HTRA1: variants seen among roughly 807,000 people sequenced by gnomAD.
HTRA1 encodes the protein HtrA serine peptidase 1.
In HTRA1, 26 loss-of-function variants were observed where a neutral mutation model predicts 49.7. The ratio of observed to expected loss-of-function variants is 0.52; its 90% CI spans 0.38 to 0.73. The LOEUF is 0.73. Ranked by LOEUF, HTRA1 falls within the 30% of genes least tolerant of loss-of-function variation. The pLI, the probability that HTRA1 is intolerant of heterozygous loss-of-function variation, is 0.00. For missense variants in HTRA1, 561 were observed against 667.2 expected (o/e 0.84, Z 1.75); for synonymous variants, 291 against 286.9 (o/e 1.01, Z -0.14).
At position 122,494,996 on chromosome 10, in the gene HTRA1, G is replaced by C. The variant is rs1292497323; in HGVS notation, c.777+5370G>C. Among the ~76,000 whole-genome samples, 2 of 152,074 alleles carry C rather than the reference G, an allele frequency of 1.3e-5. No homozygotes were observed. The highest frequency in any genetic ancestry group is 2.9e-5 in the Non-Finnish European group (2 of 68,008). ...CCCCCCGGGACATGGCAGTGGCGGG[G>C]AGTGGACTGGGGTGGTGCTTGCCAT... On this transcript the variant is annotated intron_variant, in intron 3 of 8. Transcript: ENST00000368984. This position sits in a 1 kb window ranked among gnomAD's most constrained non-coding sequence, Gnocchi z 4.0.
chr10:122,469,858 T>G, intron 1 of HTRA1, among the ~76,000 whole-genome samples: 1 of 152,248 alleles, frequency 6.6e-6, no homozygotes, highest in East Asian at 1.9e-4. Flanking sequence ...TTTTGTTTAT[T>G]CATCAAATAT....
At position 122,466,293 on chromosome 10, in the gene HTRA1, G is replaced by C. The variant is rs2097483739; in HGVS notation, c.472+4169G>C. Among the ~76,000 whole-genome samples, 3 of 152,146 alleles carry C rather than the reference G, an allele frequency of 2.0e-5. No individual in the cohort carries two copies. In the South Asian group the frequency reaches 6.2e-4, roughly 32 times the overall value. ...CCATTCTCCTGCCTTAGCCTCCAGAGTAGCTGGGACTACAGGCACCCGCCA... is the reference window on the plus strand; with the variant it reads ...CCATTCTCCTGCCTTAGCCTCCAGACTAGCTGGGACTACAGGCACCCGCCA... On this transcript the variant is annotated intron_variant, in intron 1 of 8. Transcript: ENST00000368984.
chr10:122,470,621 A>G (rs1382092187), intron 1 of HTRA1, among the ~76,000 whole-genome samples: 5 of 151,866 alleles, frequency 3.3e-5, no homozygotes. Context: ...AGTTTTATCA[A>G]CTCCCAATGC....
chr10:122,463,343 C>G (rs1712880002), intron 1 of HTRA1, among the ~76,000 whole-genome samples: 1 of 151,322 alleles, frequency 6.6e-6, no homozygotes, highest in South Asian at 2.1e-4. Flanking sequence ...GAAACTCAGC[C>G]TAGTCAGGCA....
intron 1 of HTRA1, among the ~76,000 whole-genome samples, chr10:122,469,691 C>T (rs1202178999): frequency 1.7e-4 from 26 of 152,164 alleles, no homozygotes; most frequent in Non-Finnish European, 4.4e-5. Context: ...ATTATCCTTG[C>T]TTCCTAGCTG....
At chr10:122,470,176 C>T (rs184848717) in intron 1 of HTRA1, among the ~76,000 whole-genome samples, 5 of 152,302 alleles carry the variant, frequency 3.3e-5, no homozygotes, top group Admixed American at 1.3e-4. Context: ...GAAGTGTTGA[C>T]GTCTCCTGAG....
chr10:122,503,049 G>C (rs2097501602), intron 3 of HTRA1, among the ~76,000 whole-genome samples: 1 of 152,260 alleles, frequency 6.6e-6, no homozygotes, highest in Admixed American at 6.5e-5. Flanking sequence ...TGGCCAAGGA[G>C]AGGAGCTGCC....
rs1388018559 is a variant in HTRA1 at position 122,466,174 on chromosome 10, T to G, written c.472+4050T>G. 2.0e-5 allele frequency among the ~76,000 whole-genome samples: 3 copies of G among 149,736 alleles called. No homozygotes were observed. The East Asian group carries it at 5.9e-4, about 29-fold the overall frequency. On this transcript the variant is annotated intron_variant, in intron 1 of 8. Coordinates refer to ENST00000368984, the MANE Select transcript of HTRA1 (RefSeq NM_002775.5). Reference sequence around the variant, plus strand: ...GCCCTGGAATGTTTGTAAAATTTACTTTTTTTTTTGAGACAGTGTCTCGTT... The same window carrying G: ...GCCCTGGAATGTTTGTAAAATTTACGTTTTTTTTTGAGACAGTGTCTCGTT...
intron 1 of HTRA1, among the ~76,000 whole-genome samples, chr10:122,475,012 G>A (rs2097487796): frequency 6.6e-6 from 1 of 152,204 alleles, no homozygotes; most frequent in African/African-American, 2.4e-5. Context: ...AGCCAAAGAT[G>A]CAGATCTAGG....
At chr10:122,479,912 GAAGCTTCA>G (rs992691455) in intron 1 of HTRA1, among the ~76,000 whole-genome samples, 6 of 152,156 alleles carry the variant, frequency 3.9e-5, no homozygotes, top group African/African-American at 1.4e-4. Flanking sequence ...GGGATTCTTG[GAAGCTTCA>G]GAAGCTTGAG....
In HTRA1 at chr10:122,507,364, T is replaced by A. The variant is rs747305348; in HGVS notation, c.973-6T>A. On this transcript the variant is annotated splice_polypyrimidine_tract_variant and splice_region_variant and intron_variant, in intron 4 of 8. Transcript: ENST00000368984. Reference sequence around the variant, plus strand: ...TTGTAACCTTTTCATTTCTGTTTAATTGCAGTATGGAAACTCGGGAGGCCC... The same window carrying A: ...TTGTAACCTTTTCATTTCTGTTTAAATGCAGTATGGAAACTCGGGAGGCCC... 6.2e-7 allele frequency: 1 copy of A among 1,609,950 alleles called. No individual in the cohort carries two copies. The highest frequency in any genetic ancestry group is 8.5e-7 in the Non-Finnish European group (1 of 1,176,158).
At chr10:122,501,961 GTTTTTTTTTTTTTTTT>G (rs541582341) in intron 3 of HTRA1, among the ~76,000 whole-genome samples, 6 of 73,536 alleles carry the variant, frequency 8.2e-5, no homozygotes, top group African/African-American at 1.8e-4. Flanking sequence ...TCCATTTGGA[GTTTTTTTTTTTTTTTT>G]TTTTTTTTTT....
intron 1 of HTRA1, among the ~76,000 whole-genome samples, chr10:122,470,991 A>G (rs2097485864): frequency 6.6e-6 from 1 of 152,176 alleles, no homozygotes; most frequent in African/African-American, 2.4e-5. Context: ...GTCCAAGGGC[A>G]GATGCGTTGG....
At chr10:122,501,174 T>A (rs948738159) in intron 3 of HTRA1, among the ~76,000 whole-genome samples, 1 of 151,996 alleles carries the variant, frequency 6.6e-6, no homozygotes, top group Non-Finnish European at 1.5e-5. Flanking sequence ...GGGTGGTGGG[T>A]CGTGAAGGCT....
At position 122,490,831 on chromosome 10, in the gene HTRA1, T is replaced by C. The variant is rs2097495447; in HGVS notation, c.777+1205T>C. On this transcript the variant is annotated intron_variant, in intron 3 of 8. Transcript: ENST00000368984. This position sits in a 1 kb window ranked among gnomAD's most constrained non-coding sequence, Gnocchi z 4.2. ...CCGGGTCTCCTTCTCCGTCTTTTTA[T>C]AACATCAAGTTGCTGCCCAGCTCAG... Among the ~76,000 whole-genome samples the C allele has an allele frequency of 6.6e-6, 1 of 152,220 alleles. No individual in the cohort carries two copies. The highest frequency in any genetic ancestry group is 2.1e-4 in the South Asian group (1 of 4,828).
In HTRA1 at chr10:122,514,364, A is replaced by T. The variant is rs772423510; in HGVS notation, c.*5A>T. 5.6e-6 allele frequency: 9 copies of T among 1,613,748 alleles called. No individual in the cohort carries two copies. The highest frequency in any genetic ancestry group is 6.8e-6 in the Non-Finnish European group (8 of 1,179,770). On this transcript the variant is annotated 3_prime_UTR_variant, in exon 9 of 9. Coordinates refer to ENST00000368984, the MANE Select transcript of HTRA1 (RefSeq NM_002775.5). ...CCCGAAGAAATTGACCCATAGGCAG[A>T]GGCATGAGCTGGACTTCATGTTTCC...
At chr10:122,466,926 G>A (rs976000326) in intron 1 of HTRA1, among the ~76,000 whole-genome samples, 2 of 151,424 alleles carry the variant, frequency 1.3e-5, no homozygotes, top group East Asian at 3.9e-4. Flanking sequence ...AAATATTAAG[G>A]CTTCATAAAA....
intron 6 of HTRA1, among the ~76,000 whole-genome samples, chr10:122,509,667 C>A (rs2133451573): frequency 6.6e-6 from 1 of 152,298 alleles, no homozygotes; most frequent in Admixed American, 6.5e-5. Context: ...TGAAAGGACA[C>A]TCTGATGGCT....
At chr10:122,512,167 T>C (rs1191593765) in intron 8 of HTRA1, 102 bp downstream of exon 8, 11 of 886,062 alleles carry the variant, frequency 1.2e-5, no homozygotes, top group Non-Finnish European at 2.1e-5. Context: ...CAGATGATTA[T>C]GTTGATCCTT....
Sources: allele counts gnomAD v4.1 joint callset (sites outside exome capture counted in the v4.1 genomes callset), GRCh38; gene constraint gnomAD v4.1.1; non-coding constraint Gnocchi (gnomAD v3.1); transcripts MANE v1.5; gene names NCBI Gene and HGNC (gene_info 2026-07-23, HGNC 2026-07-21).